Variants in BAG4 observed in about 807,000 individuals in gnomAD.
BAG4 encodes the protein BAG family molecular chaperone regulator 4.
In BAG4, 28 loss-of-function variants were observed where a neutral mutation model predicts 52.1. The ratio of observed to expected loss-of-function variants is 0.54; its 90% CI spans 0.40 to 0.74. The LOEUF is 0.74. Ranked by LOEUF, BAG4 falls within the 30% of genes least tolerant of loss-of-function variation. The pLI is 0.00. For missense variants in BAG4, 525 were observed against 572.0 expected (o/e 0.92, Z 0.84); for synonymous variants, 208 against 217.0 (o/e 0.96, Z 0.37).
Position 38,210,551 on chromosome 8 carries a change from G to A in BAG4, c.*58G>A. ...AACTTGACCAAAGAACACTTGATTT[G>A]GTTAATTACCCTCTTTTTGAAATGC... is the stretch of plus-strand genomic sequence containing the variant. On this transcript the variant is annotated 3_prime_UTR_variant, in exon 5 of 5. Coordinates refer to ENST00000287322, the MANE Select transcript of BAG4 (RefSeq NM_004874.4). 6.7e-7 allele frequency: 1 copy of A among 1,502,698 alleles called. No homozygotes were observed. The highest frequency in any genetic ancestry group is 8.9e-7 in the Non-Finnish European group (1 of 1,127,824). The allele number at this position is 1,502,698 out of a possible 1,614,324, so 93.1% of individuals were successfully genotyped here.
chr8:38,204,575 T>TTTAGGTGC (rs1354970955), intron 2 of BAG4, among the ~76,000 whole-genome samples: 1 of 151,770 alleles, frequency 6.6e-6, no homozygotes, highest in African/African-American at 2.4e-5. Context: ...CAGGATCACT[T>TTTAGGTGC]CAGCCTAAAA....
intron 4 of BAG4, chr8:38,209,472 G>A (rs149952659): frequency 1.1e-5 from 7 of 614,104 alleles, no homozygotes; most frequent in East Asian, 6.1e-5. Flanking sequence ...GATTCACATC[G>A]TTTTTGTTAA....
intron 2 of BAG4, chr8:38,202,827 C>G (rs893374223): frequency 2.0e-5 from 3 of 152,198 alleles, no homozygotes; most frequent in Admixed American, 6.6e-5. Flanking sequence ...CAAGAATGAG[C>G]TACCACGCCT....
In BAG4 at chr8:38,212,954, G is replaced by T. The variant is rs1353080019; in HGVS notation, c.*2461G>T. On this transcript the variant is annotated 3_prime_UTR_variant, in exon 5 of 5. Transcript: ENST00000287322. ...TATTGGAATTCTTCTGTAAGGAAGA[G>T]TTGTCAGTTCTGGATTTATATTTTT... 6.6e-6 allele frequency: 1 copy of T among 152,176 alleles called. No individual in the cohort carries two copies. The highest frequency in any genetic ancestry group is 2.4e-5 in the African/African-American group (1 of 41,428). The allele number at this position is 152,176 out of a possible 1,614,324, so 9.4% of individuals were successfully genotyped here. A position where few individuals can be genotyped will look rare whatever the true frequency, so the allele number is the denominator to read the frequency against.
chr8:38,193,664 C>G (rs779734106), intron 2 of BAG4, among the ~76,000 whole-genome samples: 2 of 151,688 alleles, frequency 1.3e-5, no homozygotes, highest in Non-Finnish European at 2.9e-5. Flanking sequence ...CTCACAGGTT[C>G]AAGTGATTCT....
chr8:38,203,466 G>T (rs528277099), intron 2 of BAG4, among the ~76,000 whole-genome samples: 1 of 151,838 alleles, frequency 6.6e-6, no homozygotes, highest in African/African-American at 2.4e-5. Flanking sequence ...TGTATTTTTA[G>T]TAGAGACAGG....
At chr8:38,186,867 G>T (rs1416323768) in intron 1 of BAG4, among the ~76,000 whole-genome samples, 1 of 152,186 alleles carries the variant, frequency 6.6e-6, no homozygotes, top group African/African-American at 2.4e-5. Flanking sequence ...GCCTTCTAAT[G>T]AGCAATATCA....
In BAG4 at chr8:38,177,337, C is replaced by A. The variant is rs78998976; in HGVS notation, c.270+198C>A. On this transcript the variant is annotated intron_variant, in intron 1 of 4. Coordinates refer to ENST00000287322, the MANE Select transcript of BAG4 (RefSeq NM_004874.4). ...TGCCCCTCCTTTTCTGCTTCGACCC[C>A]AAAAAATATGTTTATTACCATTTAA... is the stretch of plus-strand genomic sequence containing the variant. Among the ~76,000 whole-genome samples the A allele has an allele frequency of 3.9e-5, 6 of 152,228 alleles. No individual in the cohort carries two copies. In the East Asian group the frequency reaches 7.7e-4, roughly 20 times the overall value.
rs533847954 is a variant in BAG4, at chr8:38,184,765, T to A, written c.270+7626T>A. On this transcript the variant is annotated intron_variant, in intron 1 of 4. Transcript: ENST00000287322. ...GGGGAGGGAGAAAGGTTTGTAGACT[T>A]CCAGCCTTACATCACAGAGCCAAGT... Among the ~76,000 whole-genome samples the A allele has an allele frequency of 3.9e-5, 6 of 152,182 alleles. No individual in the cohort carries two copies. In the South Asian group the frequency reaches 1.2e-3, roughly 32 times the overall value.
intron 2 of BAG4, among the ~76,000 whole-genome samples, chr8:38,197,748 G>C (rs1803587119): frequency 6.6e-6 from 1 of 152,134 alleles, no homozygotes; most frequent in African/African-American, 2.4e-5. Flanking sequence ...CCCCCAGACT[G>C]GGGTGCAGTG....
chr8:38,207,377 C>CA lies in BAG4; in HGVS notation c.379-134dup, dbSNP rs1249916407. The CA allele has an allele frequency of 9.1e-6, 9 of 985,020 alleles. No individual in the cohort carries two copies. In the East Asian group the frequency reaches 2.4e-4, roughly 26 times the overall value. The allele number at this position is 985,020 out of a possible 1,614,324, so 61.0% of individuals were successfully genotyped here. The stretch of plus-strand genomic sequence containing the variant: ...TTGGGCTCCCAAAGTGCTGGGATTA[C>CA]AGGCATGAGCCACTGTGCCTGGCCT... On this transcript the variant is annotated intron_variant, in intron 2 of 4. Coordinates refer to ENST00000287322, the MANE Select transcript of BAG4 (RefSeq NM_004874.4).
chr8:38,191,821 G>T (rs557790025), intron 1 of BAG4, among the ~76,000 whole-genome samples: 1 of 150,570 alleles, frequency 6.6e-6, no homozygotes, highest in African/African-American at 2.4e-5. Context: ...TAACTCATAG[G>T]ATAATAAATG....
chr8:38,185,993 G>A (rs1185539368), intron 1 of BAG4, among the ~76,000 whole-genome samples: 1 of 152,188 alleles, frequency 6.6e-6, no homozygotes, highest in Admixed American at 6.5e-5. Flanking sequence ...TCTAGAGGGT[G>A]TAGCCAAGAA....
At chr8:38,182,015 G>A (rs917132468) in intron 1 of BAG4, among the ~76,000 whole-genome samples, 3 of 151,706 alleles carry the variant, frequency 2.0e-5, no homozygotes, top group Admixed American at 2.0e-4. Context: ...GACAGCTATT[G>A]GTCTCCTTTC....
intron 2 of BAG4, among the ~76,000 whole-genome samples, chr8:38,205,085 C>A (rs530560362): frequency 1.3e-5 from 2 of 151,926 alleles, no homozygotes; most frequent in Non-Finnish European, 1.5e-5. Flanking sequence ...GGCTAGAGAA[C>A]AGTGGCTTGA....
chr8:38,193,647 C>G (rs1173890187), intron 2 of BAG4, among the ~76,000 whole-genome samples: 1 of 151,822 alleles, frequency 6.6e-6, no homozygotes, highest in Admixed American at 6.6e-5. Flanking sequence ...CTCACTGCAC[C>G]CTCCTCCTCA....
In BAG4 at chr8:38,210,238, T is replaced by G. The variant is rs1803844019; in HGVS notation, c.1119T>G (p.Asp373Glu). ...SSLPEECVPS[D>E]ESTPPSIKKI... ...TTCCTGAAGAATGTGTACCTTCAGA[T>G]GAAAGTACTCCTCCGAGTATTAAAA... is the stretch of plus-strand genomic sequence containing the variant. The change falls in exon 5 of 5, where the codon GAT (aspartate) becomes GAG (glutamate). Residue 373 changes from aspartate to glutamate, a missense_variant. Physicochemically the swap from Asp to Glu is conservative, Grantham distance 45 (BLOSUM62 2). This residue lies in a region of BAG4 where 238 missense variants were observed against 305.8 expected (regional missense o/e 0.78). Coordinates refer to ENST00000287322, the MANE Select transcript of BAG4 (RefSeq NM_004874.4). The G allele has an allele frequency of 1.2e-6, 2 of 1,614,002 alleles. No homozygotes were observed. Among genetic ancestry groups the G allele is most frequent in the East Asian group, 2.2e-5 (1 of 44,892 alleles).
Position 38,209,115 on chromosome 8 carries a change from C to G in BAG4, c.736C>G (p.Pro246Ala). 6.2e-7 allele frequency: 1 copy of G among 1,614,184 alleles called. No homozygotes were observed. The highest frequency in any genetic ancestry group is 8.5e-7 in the Non-Finnish European group (1 of 1,180,040). The change falls in exon 4 of 5, where the codon CCT (proline) becomes GCT (alanine). Residue 246 changes from proline (P) to alanine (A), a missense_variant. Physicochemically the swap from Pro to Ala is conservative, Grantham distance 27. Coordinates refer to ENST00000287322, the MANE Select transcript of BAG4 (RefSeq NM_004874.4). ...ACCACAAGAAGATGCGTGGGCTTCTCCTGGTGCTTATGGAATGGGTGGCCG... is the reference window on the plus strand; with the variant it reads ...ACCACAAGAAGATGCGTGGGCTTCTGCTGGTGCTTATGGAATGGGTGGCCG... ...VRPQEDAWAS[P>A]GAYGMGGRYP... is the part of the protein sequence containing the mutation.
At chr8:38,203,008 GAGA>G (rs1803707071) in intron 2 of BAG4, 1 of 152,152 alleles carries the variant, frequency 6.6e-6, no homozygotes, top group African/African-American at 2.4e-5. Context: ...TAACAACAGA[GAGA>G]AGGACTCTTC....
Sources: allele counts gnomAD v4.1 joint callset (sites outside exome capture counted in the v4.1 genomes callset), GRCh38; gene constraint gnomAD v4.1.1; regional missense constraint gnomAD v4.1.1; transcripts MANE v1.5; gene names NCBI Gene and HGNC (gene_info 2026-07-23, HGNC 2026-07-21).